Variants in ZNF469 observed in about 807,000 individuals in gnomAD.
The protein encoded by ZNF469 is zinc finger protein 469.
A neutral mutation model predicts 1.0 loss-of-function variants in ZNF469; 1 was observed. That is an observed-to-expected ratio of 1.00 (90% CI 0.35 to 4.73). The LOEUF is 4.73. Ranked by LOEUF, ZNF469 falls within the 30% of genes most tolerant of loss-of-function variation. The probability of loss-of-function intolerance (pLI) is 0.16; values close to 1 mark genes in which losing one functional copy is unlikely to be tolerated. For missense variants in ZNF469, 6,100 were observed against 5,356.3 expected (o/e 1.14, Z -4.33); for synonymous variants, 2,703 against 2,363.4 (o/e 1.14, Z -4.17).
upstream of ZNF469, among the ~76,000 whole-genome samples, chr16:88,382,527 T>C (rs2092527898): frequency 6.6e-6 from 1 of 152,134 alleles, no homozygotes; most frequent in Non-Finnish European, 1.5e-5. Context: ...TTATGGTGCC[T>C]TCGAGGGCCA....
At chr16:88,285,695 G>A in the ZNF469 span, among the ~76,000 whole-genome samples, 14 of 152,364 alleles carry the variant, frequency 9.2e-5, no homozygotes, top group Admixed American at 2.0e-4. Flanking sequence ...CCGTGGGGCC[G>A]GTGGAGAGCA....
In ZNF469 at chr16:88,429,882, G is replaced by A; in HGVS notation, c.2412G>A (p.Gln804=). ...AKTFLLAGDA[Q]AEGKDDPLRT... is the part of the protein sequence containing the mutation. ...CCTTCCTGTTAGCTGGGGACGCCCAGGCCGAGGGCAAAGACGACCCCCTGA... is the reference window on the plus strand; with the variant it reads ...CCTTCCTGTTAGCTGGGGACGCCCAAGCCGAGGGCAAAGACGACCCCCTGA... Residue 804 remains glutamine, a synonymous_variant, in exon 3 of 3, where the codon CAG becomes CAA. Coordinates refer to ENST00000565624, the MANE Select transcript of ZNF469 (RefSeq NM_001367624.2). 1.3e-6 allele frequency: 2 copies of A among 1,550,208 alleles called. No homozygotes were observed. The highest frequency in any genetic ancestry group is 1.7e-6 in the Non-Finnish European group (2 of 1,146,918).
chr16:88,242,087 G>C, the ZNF469 span, among the ~76,000 whole-genome samples: 1 of 152,216 alleles, frequency 6.6e-6, no homozygotes, highest in African/African-American at 2.4e-5. Context: ...CCCAACCCTG[G>C]ACGTCGCAGA....
chr16:88,368,844 C>T, the ZNF469 span, among the ~76,000 whole-genome samples: 2 of 152,138 alleles, frequency 1.3e-5, no homozygotes, highest in African/African-American at 2.4e-5. Flanking sequence ...TGCCTGTAAT[C>T]TCAGCAGGCA....
chr16:88,231,048 C>A, the ZNF469 span, among the ~76,000 whole-genome samples: 2 of 152,132 alleles, frequency 1.3e-5, no homozygotes, highest in Non-Finnish European at 2.9e-5. This position sits in a 1 kb window ranked among gnomAD's most constrained non-coding sequence, Gnocchi z 4.5. Context: ...TCAGACCAGC[C>A]GCACGTGCCC....
At chr16:88,273,802 A>ATTTTT in the ZNF469 span, among the ~76,000 whole-genome samples, 2 of 117,778 alleles carry the variant, frequency 1.7e-5, no homozygotes, top group South Asian at 2.5e-4. Flanking sequence ...ACACTGTGGA[A>ATTTTT]TATTTTTTTT....
chr16:88,130,126 G>A, the ZNF469 span, among the ~76,000 whole-genome samples: 1 of 152,180 alleles, frequency 6.6e-6, no homozygotes, highest in Non-Finnish European at 1.5e-5. Flanking sequence ...TTACCATCGG[G>A]CGCTGTTTGT....
the ZNF469 span, among the ~76,000 whole-genome samples, chr16:88,335,656 C>T: frequency 1.3e-5 from 2 of 152,230 alleles, no homozygotes; most frequent in Non-Finnish European, 2.9e-5. Flanking sequence ...AGCTCTGCCT[C>T]CTGATGGGAG....
At chr16:88,357,049 G>A in the ZNF469 span, among the ~76,000 whole-genome samples, 1 of 152,350 alleles carries the variant, frequency 6.6e-6, no homozygotes, top group East Asian at 1.9e-4. Context: ...CCCGGTTACG[G>A]GTCCCCTCCC....
At chr16:88,365,834 A>G in the ZNF469 span, among the ~76,000 whole-genome samples, 82,095 of 151,894 alleles carry the variant, frequency 0.54, 23,522 homozygotes, top group African/African-American at 0.73. Flanking sequence ...TGGCAGAGGC[A>G]ATGCCGCCAC....
chr16:88,275,916 G>A, the ZNF469 span, among the ~76,000 whole-genome samples: 1 of 152,202 alleles, frequency 6.6e-6, no homozygotes, highest in Non-Finnish European at 1.5e-5. Context: ...AGTCCTGTAA[G>A]ATGGAGACCA....
the ZNF469 span, among the ~76,000 whole-genome samples, chr16:88,255,770 G>T: frequency 1.3e-5 from 2 of 152,238 alleles, no homozygotes; most frequent in Non-Finnish European, 2.9e-5. Context: ...CTAAGAGTAT[G>T]GAAGGGTTCA....
the ZNF469 span, among the ~76,000 whole-genome samples, chr16:88,246,058 G>A: frequency 6.6e-6 from 1 of 152,276 alleles, no homozygotes; most frequent in Non-Finnish European, 1.5e-5. Flanking sequence ...AGTGCTCAAA[G>A]GGCTTCCCTC....
intron 1 of ZNF469, among the ~76,000 whole-genome samples, chr16:88,401,484 TGGA>T (rs1904853369): frequency 6.6e-6 from 1 of 152,122 alleles, no homozygotes; most frequent in African/African-American, 2.4e-5. Context: ...GATGGATGGA[TGGA>T]TGGATGCTGG....
the ZNF469 span, among the ~76,000 whole-genome samples, chr16:88,138,357 G>T: frequency 6.6e-6 from 1 of 152,220 alleles, no homozygotes; most frequent in Non-Finnish European, 1.5e-5. Context: ...CAAAGTCTTG[G>T]CAGGGGATGT....
intron 1 of ZNF469, among the ~76,000 whole-genome samples, chr16:88,420,359 G>T (rs1278471568): frequency 6.6e-6 from 1 of 152,136 alleles, no homozygotes; most frequent in Non-Finnish European, 1.5e-5. Context: ...GGAGGAGCAG[G>T]TTGCTTAGGA....
At chr16:88,254,090 C>G in the ZNF469 span, among the ~76,000 whole-genome samples, 1,711 of 152,128 alleles carry the variant, frequency 0.011, 31 homozygotes, top group African/African-American at 0.039. Context: ...CTTGCCTATC[C>G]CAACATCACA....
At chr16:88,397,714 G>C (rs1904731958) in intron 1 of ZNF469, among the ~76,000 whole-genome samples, 1 of 146,356 alleles carries the variant, frequency 6.8e-6, no homozygotes, top group African/African-American at 2.5e-5. Context: ...TATACGCGAG[G>C]AAAGAGAGAG....
upstream of ZNF469, among the ~76,000 whole-genome samples, chr16:88,380,639 A>G (rs2092519927): frequency 7.1e-6 from 1 of 140,108 alleles, no homozygotes; most frequent in Non-Finnish European, 1.5e-5. Context: ...GCTCACACAC[A>G]TGCACTCATA....
Sources: gnomAD v4.1 joint callset for allele counts (sites outside exome capture counted in the v4.1 genomes callset) on GRCh38, gnomAD v4.1.1 for gene constraint, Gnocchi (gnomAD v3.1) non-coding constraint, MANE v1.5 for transcripts, NCBI Gene and HGNC (gene_info 2026-07-23, HGNC 2026-07-21) for gene names.